Variants in HCFC2 observed in about 807,000 individuals in gnomAD.
HCFC2 encodes the protein host cell factor 2.
A neutral mutation model predicts 89.2 loss-of-function variants in HCFC2; 18 were observed. That is an observed-to-expected ratio of 0.20 (90% CI 0.14 to 0.30). HCFC2 has a LOEUF of 0.30. Ranked by LOEUF, HCFC2 falls within the 10% of genes least tolerant of loss-of-function variation. The probability of loss-of-function intolerance (pLI) is 1.00; values close to 1 mark genes in which losing one functional copy is unlikely to be tolerated. For missense variants in HCFC2, 578 were observed against 956.1 expected, an observed-to-expected ratio of 0.60 and a Z score of 5.21; for synonymous variants, 308 against 335.7, an observed-to-expected ratio of 0.92 and a Z score of 0.90.
chr12:104,069,503 CTA>C (rs1204330007), intron 3 of HCFC2, among the ~76,000 whole-genome samples: 2 of 146,838 alleles, frequency 1.4e-5, no homozygotes, highest in African/African-American at 2.5e-5. Context: ...TTCTCTATTT[CTA>C]TATGTTTTAC....
chr12:104,092,354 T>C (rs1884045251), intron 9 of HCFC2, among the ~76,000 whole-genome samples: 1 of 152,086 alleles, frequency 6.6e-6, no homozygotes, highest in African/African-American at 2.4e-5. Flanking sequence ...TAGCCCCAGC[T>C]ACTTGGGAGG....
Position 104,095,531 on chromosome 12 carries a change from C to T in HCFC2, c.1634C>T (p.Thr545Ile), listed in dbSNP as rs1243909655. ...AATGGGGCAGTTGTTAAAGATGAAA[C>T]TTCACTAACAACATTCAGTACCAAA... The part of the protein sequence containing the change: ...STNGAVVKDE[T>I]SLTTFSTKSE... Residue 545 changes from threonine to isoleucine, a missense_variant, in exon 11 of 15, where the codon ACT (threonine) becomes ATT (isoleucine). Thr to Ile is a moderately conservative substitution (Grantham distance 89, BLOSUM62 -1). This residue lies in a region of HCFC2 where 210 missense variants were observed against 251.7 expected (regional missense o/e 0.83). Transcript: ENST00000229330. The surrounding 1 kb of genome is among the most constrained non-coding windows in gnomAD (Gnocchi z 4.2). 3 of 1,613,530 alleles carry T rather than the reference C, an allele frequency of 1.9e-6. No individual in the cohort carries two copies. Among genetic ancestry groups the T allele is most frequent in the Non-Finnish European group, 2.5e-6 (3 of 1,179,588 alleles).
chr12:104,071,049 G>T (rs149466324), intron 3 of HCFC2, among the ~76,000 whole-genome samples: 1 of 151,840 alleles, frequency 6.6e-6, no homozygotes, highest in Non-Finnish European at 1.5e-5. Flanking sequence ...CTCATCATCC[G>T]CCTGCCTCAG....
At chr12:104,086,772 G>T in intron 7 of HCFC2, 75 bp from the exon 8 acceptor site, 2 of 1,331,992 alleles carry the variant, frequency 1.5e-6, no homozygotes, top group Non-Finnish European at 2.1e-6. Flanking sequence ...TCAAAGCTCT[G>T]GTCCACACAA....
chr12:104,085,700 GTTT>G (rs397977003), intron 7 of HCFC2, among the ~76,000 whole-genome samples: 2 of 136,818 alleles, frequency 1.5e-5, no homozygotes. Context: ...GGCTCATCTT[GTTT>G]TTTTTTTTCT....
chr12:104,091,250 T>C (rs1884014828), intron 9 of HCFC2, among the ~76,000 whole-genome samples: 1 of 152,172 alleles, frequency 6.6e-6, no homozygotes, highest in Admixed American at 6.5e-5. Flanking sequence ...AGGAGAGGAA[T>C]TTCTCTGGCT....
At chr12:104,099,415 A>G (rs1884274175) in intron 13 of HCFC2, among the ~76,000 whole-genome samples, 1 of 152,172 alleles carries the variant, frequency 6.6e-6, no homozygotes, top group East Asian at 1.9e-4. Context: ...GGCCCTTTGT[A>G]TGGACTACAT....
Position 104,067,941 on chromosome 12 carries a change from T to C in HCFC2, c.313-6T>C. On this transcript the variant is annotated splice_polypyrimidine_tract_variant and splice_region_variant and intron_variant, in intron 2 of 14. Coordinates refer to ENST00000229330, the MANE Select transcript of HCFC2 (RefSeq NM_013320.3). ...CTGACTGTATTTGTGCCCTTTTTTT[T>C]TTTAGGCAAGTCGTTGGTTATGGAA... 1 of 1,573,746 alleles carries C rather than the reference T, an allele frequency of 6.4e-7. No homozygotes were observed. The highest frequency in any genetic ancestry group is 8.6e-7 in the Non-Finnish European group (1 of 1,167,804).
chr12:104,066,105 G>C, intron 1 of HCFC2, 62 bp from the exon 2 acceptor site: 2 of 1,481,730 alleles, frequency 1.3e-6, no homozygotes, highest in African/African-American at 1.4e-5. Flanking sequence ...ATATATATTT[G>C]CTGATAGTAT....
intron 9 of HCFC2, among the ~76,000 whole-genome samples, chr12:104,092,187 G>T (rs752131346): frequency 2.0e-5 from 3 of 152,190 alleles, no homozygotes; most frequent in Non-Finnish European, 4.4e-5. Flanking sequence ...AAATGTGGCG[G>T]CTGGGTTCTG....
At chr12:104,099,417 G>A (rs1036227652) in intron 13 of HCFC2, among the ~76,000 whole-genome samples, 1 of 151,966 alleles carries the variant, frequency 6.6e-6, no homozygotes, top group Non-Finnish European at 1.5e-5. Flanking sequence ...CCCTTTGTAT[G>A]GACTACATCA....
At position 104,083,838 on chromosome 12, in the gene HCFC2, C is replaced by T. The variant is rs1004315463; in HGVS notation, c.1063+937C>T. On this transcript the variant is annotated intron_variant, in intron 7 of 14. Coordinates refer to ENST00000229330, the MANE Select transcript of HCFC2 (RefSeq NM_013320.3). ...GCCATGAGTTCAAGACAAGCCCAGGCAACATAGTGAGACCCTCATCTCTAC... is the reference window on the plus strand; with the variant it reads ...GCCATGAGTTCAAGACAAGCCCAGGTAACATAGTGAGACCCTCATCTCTAC... 9.9e-5 allele frequency among the ~76,000 whole-genome samples: 15 copies of T among 152,184 alleles called. No individual in the cohort carries two copies. In the South Asian group the frequency reaches 3.1e-3, roughly 32 times the overall value.
intron 13 of HCFC2, among the ~76,000 whole-genome samples, chr12:104,100,300 G>T (rs1488460201): frequency 6.6e-6 from 1 of 152,052 alleles, no homozygotes; most frequent in Non-Finnish European, 1.5e-5. Flanking sequence ...ATTTATGAAG[G>T]CCAGGTGCAG....
chr12:104,104,379 A>G lies in HCFC2; in HGVS notation c.*1106A>G, dbSNP rs1238278900. 1 of 152,088 alleles carries G rather than the reference A, an allele frequency of 6.6e-6. No individual in the cohort carries two copies. The highest frequency in any genetic ancestry group is 1.5e-5 in the Non-Finnish European group (1 of 67,924). 9.4% of individuals were successfully genotyped at this position (152,088 alleles called of 1,614,324 possible). On this transcript the variant is annotated 3_prime_UTR_variant, in exon 15 of 15. Coordinates refer to ENST00000229330, the MANE Select transcript of HCFC2 (RefSeq NM_013320.3). ...AACCTTAAAGATACAGATAGGCATT[A>G]TAAACACTCTGCTACAGGTAACTTG...
intron 3 of HCFC2, among the ~76,000 whole-genome samples, chr12:104,078,524 A>C (rs1883582605): frequency 6.6e-6 from 1 of 152,210 alleles, no homozygotes; most frequent in Non-Finnish European, 1.5e-5. Flanking sequence ...CACTTTCTAA[A>C]GTTAAAAAGC....
At chr12:104,094,042 C>T (rs1198571815) in intron 10 of HCFC2, among the ~76,000 whole-genome samples, 1 of 151,912 alleles carries the variant, frequency 6.6e-6, no homozygotes, top group Non-Finnish European at 1.5e-5. Context: ...AATATGACTC[C>T]CAGTTTTTTG....
chr12:104,086,945 T>G lies in HCFC2; in HGVS notation c.1162T>G (p.Leu388Val). 2 of 1,614,166 alleles carry G rather than the reference T, an allele frequency of 1.2e-6. No homozygotes were observed. Among genetic ancestry groups the G allele is most frequent in the Non-Finnish European group, 1.7e-6 (2 of 1,179,978 alleles). ...DEVSTVEGYLLQLSTDLPYQA... is the reference protein window; with the variant it reads ...DEVSTVEGYLVQLSTDLPYQA... ...AGTGTCTACAGTTGAGGGCTATCTT[T>G]TGCAGTTGAGTACAGACTTGCCATA... The change falls in exon 8 of 15, where the codon TTG (leucine) becomes GTG (valine). Residue 388 changes from leucine to valine, a missense_variant. Transcript: ENST00000229330.
Position 104,088,053 on chromosome 12 carries a change from G to A in HCFC2, c.1284+15G>A, listed in dbSNP as rs1883919381. ...TTCCTAACAGTGTAAGTAAAAAAGT[G>A]TATGAAGGTAATTGGATGTTTATGG... On this transcript the variant is annotated intron_variant, in intron 9 of 14. Coordinates refer to ENST00000229330, the MANE Select transcript of HCFC2 (RefSeq NM_013320.3). The A allele has an allele frequency of 6.4e-7, 1 of 1,572,424 alleles. No individual in the cohort carries two copies. Among genetic ancestry groups the A allele is most frequent in the Non-Finnish European group, 8.7e-7 (1 of 1,146,802 alleles).
rs1465653449 is a variant in HCFC2, at chr12:104,068,473, A to G, written c.473+366A>G. Among the ~76,000 whole-genome samples the G allele has an allele frequency of 6.6e-6, 1 of 152,202 alleles. No homozygotes were observed. Among genetic ancestry groups the G allele is most frequent in the African/African-American group, 2.4e-5 (1 of 41,464 alleles). On this transcript the variant is annotated intron_variant, in intron 3 of 14. Coordinates refer to ENST00000229330, the MANE Select transcript of HCFC2 (RefSeq NM_013320.3). The surrounding 1 kb of genome is among the most constrained non-coding windows in gnomAD (Gnocchi z 4.1). The stretch of plus-strand genomic sequence containing the variant: ...GAAAAGTAACAGATGGTTATTTTAA[A>G]ATTAGATTTCTCTGGGAATTTGGCG...
Sources: gnomAD v4.1 joint callset for allele counts (sites outside exome capture counted in the v4.1 genomes callset) on GRCh38, gnomAD v4.1.1 for gene constraint, gnomAD v4.1.1 regional missense constraint, Gnocchi (gnomAD v3.1) non-coding constraint, MANE v1.5 for transcripts, NCBI Gene and HGNC (gene_info 2026-07-23, HGNC 2026-07-21) for gene names.